TLN2: variants seen among roughly 807,000 people sequenced by gnomAD.
TLN2 encodes talin 2.
A neutral mutation model predicts 294.7 loss-of-function variants in TLN2; 118 were observed. That is an observed-to-expected ratio of 0.40 (90% CI 0.34 to 0.47). The LOEUF is 0.47. Among genes scored for constraint, TLN2 ranks in the 20% least tolerant of loss-of-function variants. The pLI is 0.84. For missense variants in TLN2, 3,083 were observed against 3,282.2 expected (o/e 0.94, Z 1.48); for synonymous variants, 1,431 against 1,304.5 (o/e 1.10, Z -2.09).
intron 24 of TLN2, 93 bp from the exon 25 acceptor site, chr15:62,719,674 C>A: frequency 2.0e-6 from 2 of 1,011,710 alleles, no homozygotes; most frequent in Non-Finnish European, 2.8e-6. Context: ...GAGTAGATGG[C>A]ACATCCAAAA....
chr15:62,821,380 A>G lies in TLN2; in HGVS notation c.7002+770A>G, dbSNP rs553233371. On this transcript the variant is annotated intron_variant, in intron 54 of 58. Transcript: ENST00000636159. ...CCCTGGTGGTGCATGTAACTCATCT[A>G]TTTCCAAGGACCCAGATATACTAGG... Among the ~76,000 whole-genome samples, 23 of 152,316 alleles carry G rather than the reference A, an allele frequency of 1.5e-4. No individual in the cohort carries two copies. In the South Asian group the frequency reaches 4.8e-3, roughly 32 times the overall value.
At chr15:62,612,082 C>T (rs1345635563) in intron 2 of TLN2, among the ~76,000 whole-genome samples, 1 of 151,614 alleles carries the variant, frequency 6.6e-6, no homozygotes, top group Non-Finnish European at 1.5e-5. Flanking sequence ...TGTATCTAAA[C>T]CGCCCCCTGA....
At chr15:62,747,331 A>G (rs954804513) in intron 32 of TLN2, among the ~76,000 whole-genome samples, 1 of 152,204 alleles carries the variant, frequency 6.6e-6, no homozygotes, top group African/African-American at 2.4e-5. Flanking sequence ...AGGTAAAGTC[A>G]TATAAGAGTC....
At chr15:62,612,089 CT>C (rs147682917) in intron 2 of TLN2, among the ~76,000 whole-genome samples, 3,159 of 152,256 alleles carry the variant, frequency 0.021, 123 homozygotes, top group African/African-American at 0.073. Flanking sequence ...AAACCGCCCC[CT>C]GACCCAGCAT....
intron 1 of TLN2, among the ~76,000 whole-genome samples, chr15:62,519,512 C>A (rs1471015768): frequency 6.6e-6 from 1 of 152,164 alleles, no homozygotes; most frequent in Non-Finnish European, 1.5e-5. Flanking sequence ...TAAGCTTAAC[C>A]TTGGAAGCTT....
chr15:62,503,485 G>A (rs1194922), intron 1 of TLN2, among the ~76,000 whole-genome samples: 72,459 of 152,130 alleles, frequency 0.48, 18,918 homozygotes, highest in African/African-American at 0.7. Flanking sequence ...GTGATTAGTG[G>A]TTCAGTCACT....
intron 43 of TLN2, among the ~76,000 whole-genome samples, chr15:62,780,389 A>G (rs963244180): frequency 6.6e-6 from 1 of 152,136 alleles, no homozygotes; most frequent in African/African-American, 2.4e-5. Context: ...TTTTTACTGT[A>G]ACCATGTGAT....
At chr15:62,489,967 C>G (rs1280724261) in intron 1 of TLN2, among the ~76,000 whole-genome samples, 5 of 152,204 alleles carry the variant, frequency 3.3e-5, no homozygotes, top group African/African-American at 1.2e-4. Flanking sequence ...AAAGAACCAC[C>G]TAGTTATGCC....
intron 44 of TLN2, among the ~76,000 whole-genome samples, chr15:62,782,247 C>T (rs2141084094): frequency 6.6e-6 from 1 of 152,296 alleles, no homozygotes; most frequent in South Asian, 2.1e-4. Context: ...TTCATGGAAA[C>T]TCTGTGATTG....
At chr15:62,701,670 G>T (rs1333025307) in intron 17 of TLN2, among the ~76,000 whole-genome samples, 1 of 152,180 alleles carries the variant, frequency 6.6e-6, no homozygotes, top group Non-Finnish European at 1.5e-5. Flanking sequence ...GTTTCACCCT[G>T]CAGCAGCCTT....
At chr15:62,678,121 T>G (rs2056439827) in intron 11 of TLN2, among the ~76,000 whole-genome samples, 1 of 152,166 alleles carries the variant, frequency 6.6e-6, no homozygotes. Flanking sequence ...TATATACATA[T>G]TAAATATTCA....
chr15:62,605,423 T>C (rs2047351913), intron 2 of TLN2, among the ~76,000 whole-genome samples: 1 of 152,214 alleles, frequency 6.6e-6, no homozygotes, highest in Admixed American at 6.5e-5. Flanking sequence ...CAGAATCTAC[T>C]CTAGGGAATT....
chr15:62,443,411 C>A (rs2035652960), intron 1 of TLN2, among the ~76,000 whole-genome samples: 1 of 152,138 alleles, frequency 6.6e-6, no homozygotes, highest in Non-Finnish European at 1.5e-5. Flanking sequence ...GGCAAAAGTT[C>A]TGCATCTTTG....
chr15:62,559,805 T>C (rs2042814993), intron 1 of TLN2, among the ~76,000 whole-genome samples: 1 of 152,206 alleles, frequency 6.6e-6, no homozygotes, highest in Admixed American at 6.5e-5. Flanking sequence ...ACGTACCTGG[T>C]CCCTCTTTTG....
chr15:62,712,109 GAACACT>G, intron 22 of TLN2, 32 bp downstream of exon 22: 1 of 1,608,422 alleles, frequency 6.2e-7, no homozygotes, highest in South Asian at 1.1e-5. Context: ...TATGAAAAGT[GAACACT>G]ATTAAGTGTT....
chr15:62,655,835 CTAAG>C, intron 7 of TLN2, 105 bp from the exon 8 acceptor site: 1 of 1,202,236 alleles, frequency 8.3e-7, no homozygotes, highest in Non-Finnish European at 1.2e-6. Context: ...ACTACTATAA[CTAAG>C]TATCAGAGAT....
At chr15:62,548,009 C>T (rs909104361) in intron 1 of TLN2, among the ~76,000 whole-genome samples, 1 of 152,166 alleles carries the variant, frequency 6.6e-6, no homozygotes, top group Non-Finnish European at 1.5e-5. Flanking sequence ...CTTCCAGGGG[C>T]CCTTTGCAAG....
At chr15:62,427,202 CTTATT>C (rs1386559021) in intron 1 of TLN2, among the ~76,000 whole-genome samples, 8 of 152,108 alleles carry the variant, frequency 5.3e-5, no homozygotes, top group Admixed American at 3.9e-4. Flanking sequence ...CCCTCTGGAA[CTTATT>C]TTATATTTTC....
intron 39 of TLN2, 91 bp downstream of exon 39, chr15:62,762,544 A>G (rs1256975055): frequency 1.5e-6 from 2 of 1,331,294 alleles, no homozygotes; most frequent in East Asian, 2.3e-5. Context: ...TAATAGTGAT[A>G]TTGTTGATCA....
Sources: allele counts gnomAD v4.1 joint callset (sites outside exome capture counted in the v4.1 genomes callset), GRCh38; gene constraint gnomAD v4.1.1; transcripts MANE v1.5; gene names NCBI Gene and HGNC (gene_info 2026-07-23, HGNC 2026-07-21).